ZNF804B: variants seen among roughly 807,000 people sequenced by gnomAD.
ZNF804B encodes zinc finger protein 804B.
ZNF804B carries 80 observed loss-of-function variants against 101.4 expected under a neutral mutation model. That is an observed-to-expected ratio of 0.79 (90% CI 0.66 to 0.95). The LOEUF is 0.95. Ranked by LOEUF, ZNF804B falls within the 40% of genes least tolerant of loss-of-function variation. The pLI, the probability that ZNF804B is intolerant of heterozygous loss-of-function variation, is 0.00. For missense variants in ZNF804B, 1,673 were observed against 1,561.9 expected, an observed-to-expected ratio of 1.07 and a Z score of -1.20; for synonymous variants, 622 against 558.8, an observed-to-expected ratio of 1.11 and a Z score of -1.59.
chr7:89,210,155 AAAAG>A (rs1318532021), intron 1 of ZNF804B, among the ~76,000 whole-genome samples: 4 of 151,888 alleles, frequency 2.6e-5, no homozygotes, highest in East Asian at 1.9e-4. Context: ...CAAAAAAAAA[AAAAG>A]AAAGAAATCA....
At chr7:89,117,521 A>G (rs1277525886) in intron 1 of ZNF804B, among the ~76,000 whole-genome samples, 1 of 152,208 alleles carries the variant, frequency 6.6e-6, no homozygotes, top group Non-Finnish European at 1.5e-5. Context: ...TTGAAAGACT[A>G]TATCCAATCA....
chr7:88,761,177 TA>T (rs555667937), intron 1 of ZNF804B, among the ~76,000 whole-genome samples: 18 of 152,100 alleles, frequency 1.2e-4, no homozygotes, highest in Non-Finnish European at 2.2e-4. Flanking sequence ...ATGCTATATG[TA>T]ATTTACATGA....
chr7:88,972,826 A>G (rs1169203260), intron 1 of ZNF804B, among the ~76,000 whole-genome samples: 1 of 151,474 alleles, frequency 6.6e-6, no homozygotes, highest in East Asian at 2.0e-4. Flanking sequence ...AAAATAGAAG[A>G]TGTGTTTGGA....
At chr7:89,156,829 A>C (rs17399463) in intron 1 of ZNF804B, among the ~76,000 whole-genome samples, 30,762 of 152,104 alleles carry the variant, frequency 0.2, 3,348 homozygotes, top group Non-Finnish European at 0.23. Flanking sequence ...TATACAAAGA[A>C]CAACACCTAT....
At chr7:88,943,067 A>G (rs967447654) in intron 1 of ZNF804B, among the ~76,000 whole-genome samples, 4 of 151,914 alleles carry the variant, frequency 2.6e-5, no homozygotes, top group African/African-American at 9.7e-5. Context: ...TGCAAACCAC[A>G]ATCAGAAAAC....
chr7:89,202,578 C>A (rs1788659067), intron 1 of ZNF804B, among the ~76,000 whole-genome samples: 1 of 152,110 alleles, frequency 6.6e-6, no homozygotes, highest in Admixed American at 6.6e-5. Flanking sequence ...GAAAAAAATT[C>A]TACATCTACA....
chr7:88,830,654 G>A lies in ZNF804B; in HGVS notation c.108+70570G>A, dbSNP rs553836619. Among the ~76,000 whole-genome samples the A allele has an allele frequency of 2.2e-3, 331 of 151,946 alleles. 2 individuals are homozygous for A. The highest frequency in any genetic ancestry group is 3.4e-3 in the Middle Eastern group (1 of 294). ...TTACATAACCAGAATACAGTGATCA[G>A]AAATAGGAAACTGACATTGGTGAAA... On this transcript the variant is annotated intron_variant, in intron 1 of 3. Transcript: ENST00000333190.
chr7:88,828,057 TTCATAGCCTC>T (rs1222080172), intron 1 of ZNF804B, among the ~76,000 whole-genome samples: 5 of 152,122 alleles, frequency 3.3e-5, no homozygotes, highest in Admixed American at 6.6e-5. Context: ...TTTTCTTCCC[TTCATAGCCTC>T]TCATAGCTTC....
intron 1 of ZNF804B, among the ~76,000 whole-genome samples, chr7:89,166,327 A>T (rs774096573): frequency 7.9e-5 from 12 of 152,194 alleles, no homozygotes; most frequent in Non-Finnish European, 1.8e-4. Context: ...TTAAAACGTA[A>T]CTACTAATAA....
chr7:88,792,195 G>C (rs1790392145), intron 1 of ZNF804B, among the ~76,000 whole-genome samples: 1 of 152,022 alleles, frequency 6.6e-6, no homozygotes, highest in South Asian at 2.1e-4. Context: ...CACAGAAGAG[G>C]TCTGCCTGCA....
intron 2 of ZNF804B, among the ~76,000 whole-genome samples, chr7:89,302,736 T>C (rs1790494953): frequency 6.6e-6 from 1 of 151,922 alleles, no homozygotes; most frequent in Non-Finnish European, 1.5e-5. Context: ...TAGATTTTGT[T>C]ACTAACACAT....
At chr7:89,228,154 G>C (rs1789124226) in intron 2 of ZNF804B, among the ~76,000 whole-genome samples, 1 of 152,088 alleles carries the variant, frequency 6.6e-6, no homozygotes, top group Admixed American at 6.6e-5. Flanking sequence ...CCTTCTGGTG[G>C]GTACGTGGTC....
At chr7:89,192,255 A>G (rs1477558218) in intron 1 of ZNF804B, among the ~76,000 whole-genome samples, 1 of 151,940 alleles carries the variant, frequency 6.6e-6, no homozygotes, top group Non-Finnish European at 1.5e-5. Context: ...CCTTTTTAAA[A>G]TTCCTTCCTT....
chr7:88,846,490 CAG>C lies in ZNF804B; in HGVS notation c.108+86409_108+86410del, dbSNP rs199527794. On this transcript the variant is annotated intron_variant, in intron 1 of 3. Coordinates refer to ENST00000333190, the MANE Select transcript of ZNF804B (RefSeq NM_181646.5). ...TCAGTGCCACCAGGGATGTGCTAGT[CAG>C]AGTGTGTAAGTAGACATTTATCCAC... Among the ~76,000 whole-genome samples the C allele has an allele frequency of 6.2e-3, 948 of 152,274 alleles. 5 individuals are homozygous for C. The highest frequency in any genetic ancestry group is 0.021 in the African/African-American group (862 of 41,562).
In ZNF804B at chr7:88,992,240, C is replaced by G. The variant is rs1793858192; in HGVS notation, c.109-225915C>G. Among the ~76,000 whole-genome samples the G allele has an allele frequency of 2.0e-5, 3 of 152,170 alleles. No individual in the cohort carries two copies. In the South Asian group the frequency reaches 6.2e-4, roughly 32 times the overall value. The stretch of plus-strand genomic sequence containing the variant: ...TGCTTTAAAGTCCTATTTTGCATAC[C>G]AAAATTAAATATTAACTCTCCTTTT... On this transcript the variant is annotated intron_variant, in intron 1 of 3. Transcript: ENST00000333190.
intron 1 of ZNF804B, among the ~76,000 whole-genome samples, chr7:88,982,430 A>C (rs1793705196): frequency 6.6e-6 from 1 of 151,978 alleles, no homozygotes; most frequent in Non-Finnish European, 1.5e-5. Flanking sequence ...TAACTAACAG[A>C]AATTTATTTT....
intron 1 of ZNF804B, among the ~76,000 whole-genome samples, chr7:88,819,155 T>C (rs949836794): frequency 8.5e-5 from 13 of 152,128 alleles, no homozygotes; most frequent in Admixed American, 3.9e-4. Context: ...ACAAAGTCTC[T>C]TTCCGTCACC....
At chr7:88,948,891 G>T (rs746415986) in intron 1 of ZNF804B, among the ~76,000 whole-genome samples, 1 of 151,798 alleles carries the variant, frequency 6.6e-6, no homozygotes, top group Non-Finnish European at 1.5e-5. Context: ...TCTAGTCCGC[G>T]ATCACAGAAG....
chr7:89,334,844 T>G lies in ZNF804B; in HGVS notation c.1862T>G (p.Ile621Arg). 1 of 1,613,816 alleles carries G rather than the reference T, an allele frequency of 6.2e-7. No homozygotes were observed. The highest frequency in any genetic ancestry group is 1.1e-5 in the South Asian group (1 of 91,078). The part of the protein sequence containing the change: ...QGCRKAVLND[I>R]DEDLSFPSYI... ...TGCAGAAAGGCAGTTCTAAATGATA[T>G]AGATGAGGACCTATCTTTTCCTTCC... The change falls in exon 4 of 4, where the codon ATA becomes AGA. Residue 621 changes from isoleucine (I) to arginine (R), a missense_variant. Transcript: ENST00000333190.
Sources: gnomAD v4.1 joint callset for allele counts (sites outside exome capture counted in the v4.1 genomes callset) on GRCh38, gnomAD v4.1.1 for gene constraint, MANE v1.5 for transcripts, NCBI Gene and HGNC (gene_info 2026-07-23, HGNC 2026-07-21) for gene names.